The following MADD variants were observed in gnomAD, a reference collection of about 807,000 sequenced individuals.
MADD encodes MAP kinase-activating death domain protein.
MADD carries 109 observed loss-of-function variants against 176.7 expected under a neutral mutation model. The observed-to-expected ratio is 0.62, with a 90% CI of 0.53 to 0.72. The LOEUF (loss-of-function observed/expected upper bound fraction) is 0.72. MADD is among the 30% of genes least tolerant of loss of function. The pLI is 0.00. For missense variants in MADD, 1,914 were observed against 2,045.5 expected, an observed-to-expected ratio of 0.94 and a Z score of 1.24; for synonymous variants, 771 against 771.3, an observed-to-expected ratio of 1.00 and a Z score of 0.01.
chr11:47,322,713 A>G (rs1318786092), intron 27 of MADD, among the ~76,000 whole-genome samples: 1 of 152,240 alleles, frequency 6.6e-6, no homozygotes, highest in African/African-American at 2.4e-5. Context: ...TATCATTTTT[A>G]TGTAATAAGC....
At chr11:47,326,248 A>G (rs948736367) in intron 30 of MADD, among the ~76,000 whole-genome samples, 3 of 152,224 alleles carry the variant, frequency 2.0e-5, no homozygotes, top group South Asian at 2.1e-4. Context: ...TTATCACCAC[A>G]TACCTCTTGG....
rs546250344 is a variant in MADD at position 47,292,623 on chromosome 11, C to T, written c.3302-1260C>T. The T allele has an allele frequency of 4.3e-5, 69 of 1,612,436 alleles. 1 individual carries two copies. In the South Asian group the frequency reaches 7.5e-4, roughly 17 times the overall value. ...TAAGGAACAAATGCCCTTTCCTGTT[C>T]CCAAGTCCTCCATACCTGCCAACTC... On this transcript the variant is annotated intron_variant, in intron 19 of 32. Transcript: ENST00000402192.
At chr11:47,305,081 A>C (rs2081529340) in intron 22 of MADD, among the ~76,000 whole-genome samples, 1 of 152,056 alleles carries the variant, frequency 6.6e-6, no homozygotes, top group African/African-American at 2.4e-5. Flanking sequence ...CAGTGGTGGT[A>C]TATGTTGTTA....
At chr11:47,274,705 A>T (rs762231471) in exon 3 of MADD, 1 of 1,614,098 alleles carries the variant, frequency 6.2e-7, no homozygotes, top group Non-Finnish European at 8.5e-7. Context: ...GCAGCGGCGC[A>T]TGAGCCTTCG....
intron 31 of MADD, chr11:47,327,413 T>G: frequency 1.0e-6 from 1 of 985,398 alleles, no homozygotes; most frequent in Non-Finnish European, 1.2e-6. Flanking sequence ...GTGCCCCTCA[T>G]CGCTGCTATG....
intron 20 of MADD, among the ~76,000 whole-genome samples, chr11:47,294,408 A>T (rs895231282): frequency 2.0e-5 from 3 of 151,588 alleles, no homozygotes; most frequent in Non-Finnish European, 4.4e-5. Flanking sequence ...TCATGCCTGT[A>T]ATCACAGGAC....
rs1412383779 is a variant in MADD, at chr11:47,328,635, G to C, written c.4613-23G>C. On this transcript the variant is annotated intron_variant, in intron 31 of 32. Transcript: ENST00000402192. ...CTCTTAGTGTTGAACTTTCTGTTTT[G>C]TCTCTTGCCCGTCCGGTTTTAGTTC... 2.5e-6 allele frequency: 4 copies of C among 1,614,044 alleles called. No homozygotes were observed. In the South Asian group the frequency reaches 4.4e-5, roughly 18 times the overall value.
chr11:47,312,161 T>TGTAACCC (rs2089911665), intron 26 of MADD, among the ~76,000 whole-genome samples: 1 of 152,252 alleles, frequency 6.6e-6, no homozygotes, highest in African/African-American at 2.4e-5. Context: ...CTGCTGGCAC[T>TGTAACCC]GTAACCCAAG....
At chr11:47,310,304 C>T (rs542634758) in intron 25 of MADD, among the ~76,000 whole-genome samples, 2 of 151,996 alleles carry the variant, frequency 1.3e-5, no homozygotes, top group East Asian at 3.9e-4. Context: ...GCCTCAGCCT[C>T]CCAAGTAGCT....
exon 23 of MADD, chr11:47,308,655 C>A: frequency 1.2e-6 from 2 of 1,614,068 alleles, no homozygotes; most frequent in South Asian, 1.1e-5. Flanking sequence ...ATTCGTACTT[C>A]TGAAGATGTG....
chr11:47,328,840 A>G, intron 32 of MADD, 136 bp downstream of exon 36: 2 of 1,148,390 alleles, frequency 1.7e-6, no homozygotes, highest in Non-Finnish European at 2.5e-6. Context: ...GGTTCAACTC[A>G]GGCTGAAACA....
chr11:47,309,095 G>C, intron 23 of MADD, 53 bp downstream of exon 26: 3 of 1,587,882 alleles, frequency 1.9e-6, no homozygotes, highest in Non-Finnish European at 2.6e-6. Context: ...GGGAGGGACT[G>C]GGCCTTACTT....
chr11:47,286,298 G>C, intron 14 of MADD, 135 bp from the exon 15 acceptor site: 1 of 702,474 alleles, frequency 1.4e-6, no homozygotes, highest in Non-Finnish European at 2.6e-6. Context: ...TTCTAAGACA[G>C]ATCAGAGATG....
At chr11:47,290,577 A>G (rs779453374) in intron 18 of MADD, 33 bp from the exon 20 acceptor site, 3 of 1,596,004 alleles carry the variant, frequency 1.9e-6, no homozygotes, top group East Asian at 4.5e-5. Context: ...CCTACTCACT[A>G]CTTCTCTTGA....
chr11:47,308,562 G>A (rs747364027), intron 22 of MADD, 29 bp from the exon 25 acceptor site: 3 of 1,562,664 alleles, frequency 1.9e-6, no homozygotes, highest in Middle Eastern at 1.7e-4. Context: ...GCTACCTCTG[G>A]CCACTGACCT....
chr11:47,302,487 C>T (rs1455755870), intron 22 of MADD, among the ~76,000 whole-genome samples: 1 of 152,234 alleles, frequency 6.6e-6, no homozygotes, highest in African/African-American at 2.4e-5. Flanking sequence ...GCTGGGATTA[C>T]AGGCGTGAGC....
chr11:47,289,055 A>T, intron 15 of MADD, 28 bp downstream of exon 16: 1 of 1,568,216 alleles, frequency 6.4e-7, no homozygotes, highest in South Asian at 1.2e-5. Flanking sequence ...GCTGTGCATG[A>T]TCTTTTTTTT....
At chr11:47,328,373 C>G (rs1286842592) in intron 31 of MADD, 5 of 1,356,950 alleles carry the variant, frequency 3.7e-6, no homozygotes, top group African/African-American at 1.5e-5. Context: ...TCCCTCCCAT[C>G]CAGGGCTTTC....
At chr11:47,281,795 A>C in intron 8 of MADD, 42 bp downstream of exon 8, 1 of 1,480,570 alleles carries the variant, frequency 6.8e-7, no homozygotes, top group African/African-American at 1.4e-5. Context: ...TCTTAAATTA[A>C]TTTCTTTGCT....
Sources: gnomAD v4.1 joint callset for allele counts (sites outside exome capture counted in the v4.1 genomes callset) on GRCh38, gnomAD v4.1.1 for gene constraint, MANE v1.5 for transcripts, NCBI Gene and HGNC (gene_info 2026-07-23, HGNC 2026-07-21) for gene names.